Variants in CPNE4 observed in about 807,000 individuals in gnomAD.
CPNE4 encodes copine 4, also known as copine-4.
CPNE4 carries 25 observed loss-of-function variants against 67.9 expected under a neutral mutation model. That is an observed-to-expected ratio of 0.37 (90% CI 0.27 to 0.51). The LOEUF is 0.51. CPNE4 is among the 20% of genes least tolerant of loss of function. CPNE4 has a pLI of 0.93. For missense variants in CPNE4, 464 were observed against 690.8 expected (o/e 0.67, Z 3.68); for synonymous variants, 242 against 244.9 (o/e 0.99, Z 0.11).
intron 1 of CPNE4, among the ~76,000 whole-genome samples, chr3:131,973,649 A>G (rs962933768): frequency 5.3e-5 from 8 of 150,796 alleles, no homozygotes; most frequent in Middle Eastern, 7.2e-3. Flanking sequence ...TGATACCAGT[A>G]TTAATGTTTT....
At chr3:131,985,976 G>C (rs2073031455) in intron 1 of CPNE4, 1 of 154,144 alleles carries the variant, frequency 6.5e-6, no homozygotes, top group Non-Finnish European at 1.5e-5. Flanking sequence ...TTTCAACCAA[G>C]ATGGATGGAA....
At chr3:131,627,853 G>A (rs1376583644) in intron 7 of CPNE4, among the ~76,000 whole-genome samples, 1 of 152,146 alleles carries the variant, frequency 6.6e-6, no homozygotes, top group East Asian at 1.9e-4. Flanking sequence ...TAATGGATGA[G>A]GAGTTGTTTC....
intron 1 of CPNE4, among the ~76,000 whole-genome samples, chr3:131,940,479 T>C (rs2071354589): frequency 6.6e-6 from 1 of 152,140 alleles, no homozygotes; most frequent in Non-Finnish European, 1.5e-5. Context: ...TAATAAAATA[T>C]ATTTTAAAGA....
chr3:131,796,388 T>C (rs2083919011), intron 2 of CPNE4, among the ~76,000 whole-genome samples: 1 of 152,194 alleles, frequency 6.6e-6, no homozygotes, highest in Non-Finnish European at 1.5e-5. Flanking sequence ...TCTCATCCCC[T>C]GGAGTTTAAT....
chr3:131,922,072 C>T (rs2070752324), intron 1 of CPNE4, among the ~76,000 whole-genome samples: 1 of 152,104 alleles, frequency 6.6e-6, no homozygotes, highest in African/African-American at 2.4e-5. Context: ...AGTTATTCAA[C>T]CCTTGCCCCC....
chr3:131,948,753 T>C (rs970932408), intron 1 of CPNE4, among the ~76,000 whole-genome samples: 11 of 152,216 alleles, frequency 7.2e-5, no homozygotes, highest in Non-Finnish European at 2.9e-5. Context: ...TTAAAAACAG[T>C]TCCTGTAGCA....
intron 2 of CPNE4, among the ~76,000 whole-genome samples, chr3:131,802,334 T>G (rs1434206368): frequency 6.6e-6 from 1 of 152,166 alleles, no homozygotes; most frequent in African/African-American, 2.4e-5. Context: ...AATGTTCAGT[T>G]TATTCTAACA....
intron 7 of CPNE4, among the ~76,000 whole-genome samples, chr3:131,630,468 C>T (rs2079192840): frequency 6.6e-6 from 1 of 152,166 alleles, no homozygotes; most frequent in Admixed American, 6.5e-5. Context: ...AAAGGAGTCT[C>T]AAGTTAGTCA....
intron 2 of CPNE4, among the ~76,000 whole-genome samples, chr3:131,880,624 T>TA (rs2087638949): frequency 6.6e-6 from 1 of 152,206 alleles, no homozygotes; most frequent in Non-Finnish European, 1.5e-5. Flanking sequence ...AGGGCTTCTT[T>TA]AAAAGCTTTC....
intron 11 of CPNE4, among the ~76,000 whole-genome samples, chr3:131,558,452 A>C (rs1365434280): frequency 1.3e-5 from 2 of 152,052 alleles, no homozygotes; most frequent in African/African-American, 4.8e-5. Flanking sequence ...TGACAAAGAC[A>C]GACAATCTGG....
chr3:131,623,010 C>T (rs1940558249), intron 7 of CPNE4, among the ~76,000 whole-genome samples: 1 of 152,100 alleles, frequency 6.6e-6, no homozygotes. Flanking sequence ...TGCAAATTTT[C>T]CTTAAATGGA....
intron 8 of CPNE4, among the ~76,000 whole-genome samples, chr3:131,581,919 C>G (rs943993435): frequency 1.3e-5 from 2 of 152,164 alleles, no homozygotes; most frequent in East Asian, 3.8e-4. Flanking sequence ...CTTGATTGCT[C>G]TATGTCTTGA....
At chr3:132,025,825 T>C (rs2074103412) in intron 1 of CPNE4, among the ~76,000 whole-genome samples, 1 of 152,200 alleles carries the variant, frequency 6.6e-6, no homozygotes, top group Admixed American at 6.5e-5. Context: ...ACTTAAAATT[T>C]ATGCCATTCA....
At chr3:131,554,192 A>T (rs1416695949) in intron 12 of CPNE4, among the ~76,000 whole-genome samples, 1 of 152,062 alleles carries the variant, frequency 6.6e-6, no homozygotes, top group East Asian at 1.9e-4. Flanking sequence ...CAGCAGCTCT[A>T]TGAAGAAAGT....
At chr3:131,633,550 A>G (rs990855150) in intron 7 of CPNE4, among the ~76,000 whole-genome samples, 1 of 152,100 alleles carries the variant, frequency 6.6e-6, no homozygotes, top group African/African-American at 2.4e-5. Flanking sequence ...AAATTTTTTG[A>G]AAGTCTGCTG....
intron 2 of CPNE4, among the ~76,000 whole-genome samples, chr3:131,754,788 C>A (rs1353990362): frequency 3.3e-5 from 5 of 152,178 alleles, no homozygotes; most frequent in Admixed American, 6.5e-5. Context: ...CTGGGCACCA[C>A]AGTGAACTCA....
chr3:131,958,681 A>G (rs2072063389), intron 1 of CPNE4, among the ~76,000 whole-genome samples: 1 of 130,944 alleles, frequency 7.6e-6, no homozygotes, highest in African/African-American at 3.1e-5. Context: ...CTGGAGCACA[A>G]TGGCACGATC....
At chr3:131,946,301 T>C (rs2071550139) in intron 1 of CPNE4, among the ~76,000 whole-genome samples, 1 of 152,226 alleles carries the variant, frequency 6.6e-6, no homozygotes, top group African/African-American at 2.4e-5. Flanking sequence ...TGGTATCTTG[T>C]ACATAGCATA....
chr3:131,577,792 T>C (rs1236517365), intron 9 of CPNE4, among the ~76,000 whole-genome samples: 1 of 152,138 alleles, frequency 6.6e-6, no homozygotes, highest in Non-Finnish European at 1.5e-5. Context: ...TGCATTACAA[T>C]GGCTATGAGT....
Sources: gnomAD v4.1 joint callset for allele counts (sites outside exome capture counted in the v4.1 genomes callset) on GRCh38, gnomAD v4.1.1 for gene constraint, MANE v1.5 for transcripts, NCBI Gene and HGNC (gene_info 2026-07-23, HGNC 2026-07-21) for gene names.